The following ENTREP2 variants were observed in gnomAD, a reference collection of about 807,000 sequenced individuals.
ENTREP2 encodes endosomal transmembrane epsin interactor 2.
the ENTREP2 span, among the ~76,000 whole-genome samples, chr15:29,633,768 C>A: frequency 6.8e-6 from 1 of 146,108 alleles, no homozygotes; most frequent in Non-Finnish European, 1.5e-5. Context: ...CAACACCAGC[C>A]TGGCCAAAAT....
At chr15:29,260,522 G>GA in the ENTREP2 span, among the ~76,000 whole-genome samples, 2 of 151,824 alleles carry the variant, frequency 1.3e-5, no homozygotes, top group African/African-American at 4.8e-5. Context: ...CATTGAAGAA[G>GA]AAAAAAAAGC....
the ENTREP2 span, among the ~76,000 whole-genome samples, chr15:29,523,561 A>ATT: frequency 0.019 from 1,487 of 78,480 alleles, 118 homozygotes; most frequent in Non-Finnish European, 0.029. Context: ...TCCCAGCTAG[A>ATT]TTTTTTTTTT....
chr15:29,461,380 C>A, the ENTREP2 span, among the ~76,000 whole-genome samples: 3 of 152,174 alleles, frequency 2.0e-5, no homozygotes, highest in Admixed American at 2.0e-4. Flanking sequence ...CCAAAATATC[C>A]CAATATTTTG....
chr15:29,660,817 T>G, the ENTREP2 span, among the ~76,000 whole-genome samples: 1 of 152,196 alleles, frequency 6.6e-6, no homozygotes. Context: ...GAGGACTTTT[T>G]TCAACCCAAC....
At chr15:29,507,934 A>C in the ENTREP2 span, among the ~76,000 whole-genome samples, 13 of 152,160 alleles carry the variant, frequency 8.5e-5, no homozygotes, top group African/African-American at 3.1e-4. Context: ...GAGACATGAA[A>C]AACCCTTCAA....
chr15:29,555,067 A>C, the ENTREP2 span, among the ~76,000 whole-genome samples: 3 of 152,242 alleles, frequency 2.0e-5, no homozygotes, highest in Admixed American at 6.5e-5. Context: ...AGACACTGTT[A>C]GGTGACAATA....
At chr15:29,630,358 A>T in the ENTREP2 span, among the ~76,000 whole-genome samples, 1 of 152,200 alleles carries the variant, frequency 6.6e-6, no homozygotes, top group African/African-American at 2.4e-5. Flanking sequence ...GTTCCCCTGT[A>T]ACTAATTCAT....
the ENTREP2 span, among the ~76,000 whole-genome samples, chr15:29,158,405 CTTTTTTT>C: frequency 2.3e-5 from 3 of 133,172 alleles, no homozygotes; most frequent in African/African-American, 2.8e-5. Context: ...TTATCTCTGC[CTTTTTTT>C]TTTTTTTTTT....
chr15:29,363,221 G>A, the ENTREP2 span, among the ~76,000 whole-genome samples: 1 of 152,018 alleles, frequency 6.6e-6, no homozygotes, highest in Non-Finnish European at 1.5e-5. Context: ...GATTTATAAT[G>A]AATTTTCCGA....
the ENTREP2 span, among the ~76,000 whole-genome samples, chr15:29,486,873 C>T: frequency 1.3e-5 from 2 of 152,108 alleles, no homozygotes; most frequent in East Asian, 3.9e-4. Context: ...ATTGTGGGTG[C>T]AGAGTCTGGG....
the ENTREP2 span, chr15:29,126,381 G>C: frequency 1.3e-6 from 2 of 1,545,808 alleles, no homozygotes; most frequent in Non-Finnish European, 1.7e-6. Context: ...TGGCCAGGGG[G>C]AAGGGCAGGT....
the ENTREP2 span, among the ~76,000 whole-genome samples, chr15:29,227,420 C>G: frequency 6.6e-6 from 1 of 152,026 alleles, no homozygotes; most frequent in Non-Finnish European, 1.5e-5. Context: ...TTACAGGGGG[C>G]GGTGAGCAAG....
chr15:29,593,610 T>C, the ENTREP2 span, among the ~76,000 whole-genome samples: 1 of 152,240 alleles, frequency 6.6e-6, no homozygotes. Context: ...TGTTCACCCT[T>C]TGACTATCAT....
the ENTREP2 span, among the ~76,000 whole-genome samples, chr15:29,329,262 C>G: frequency 6.6e-6 from 1 of 151,644 alleles, no homozygotes; most frequent in Admixed American, 6.6e-5. Context: ...CCTCGGGAGG[C>G]TGAGGCAGGA....
chr15:29,206,247 AGG>A, the ENTREP2 span, among the ~76,000 whole-genome samples: 1 of 152,150 alleles, frequency 6.6e-6, no homozygotes, highest in Non-Finnish European at 1.5e-5. Flanking sequence ...AGAAGAGACA[AGG>A]CAGTTTTCTG....
the ENTREP2 span, among the ~76,000 whole-genome samples, chr15:29,303,895 T>G: frequency 6.6e-6 from 1 of 152,140 alleles, no homozygotes; most frequent in Non-Finnish European, 1.5e-5. Flanking sequence ...TTTTCTTTAT[T>G]TTTGAGATGG....
chr15:29,373,730 C>T, the ENTREP2 span: 7 of 151,664 alleles, frequency 4.6e-5, no homozygotes, highest in African/African-American at 1.7e-4. Context: ...TGGTTATTTT[C>T]AAATTGCTTA....
the ENTREP2 span, among the ~76,000 whole-genome samples, chr15:29,599,374 G>A: frequency 6.6e-6 from 1 of 152,204 alleles, no homozygotes; most frequent in African/African-American, 2.4e-5. Flanking sequence ...AGACCATGAG[G>A]TTCTGCTTCC....
chr15:29,502,915 C>A, the ENTREP2 span, among the ~76,000 whole-genome samples: 1 of 151,648 alleles, frequency 6.6e-6, no homozygotes, highest in Non-Finnish European at 1.5e-5. Flanking sequence ...CAATTTCATA[C>A]CCACTAGGAT....
Sources: gnomAD v4.1 joint callset for allele counts (sites outside exome capture counted in the v4.1 genomes callset) on GRCh38, gnomAD v4.1.1 for gene constraint, MANE v1.5 for transcripts, NCBI Gene and HGNC (gene_info 2026-07-23, HGNC 2026-07-21) for gene names.